HAAO: variants seen among roughly 807,000 people sequenced by gnomAD.
The protein encoded by HAAO is 3-hydroxyanthranilate 3,4-dioxygenase, also known as 3-hydroxyanthranilate oxygenase.
Under a neutral mutation model 46.2 loss-of-function variants are expected in HAAO, and 49 were observed. That is an observed-to-expected ratio of 1.06 (90% confidence interval 0.84 to 1.34). The LOEUF (loss-of-function observed/expected upper bound fraction) is 1.34. Ranked by LOEUF, HAAO falls within the 40% of genes most tolerant of loss-of-function variation. The pLI is 0.00. For synonymous variants in HAAO, 157 were observed against 145.2 expected, an observed-to-expected ratio of 1.08 and a Z score of -0.58; for missense variants, 408 against 364.5, an observed-to-expected ratio of 1.12 and a Z score of -0.97.
At chr2:42,777,313 AAAAAAAAAAAG>A (rs977801013) in intron 4 of HAAO, among the ~76,000 whole-genome samples, 1 of 150,516 alleles carries the variant, frequency 6.6e-6, no homozygotes, top group Non-Finnish European at 1.5e-5. Context: ...CAAAAAAAAA[AAAAAAAAAAAG>A]AAGAAAGAAA....
chr2:42,780,584 A>C (rs540056150), intron 4 of HAAO, among the ~76,000 whole-genome samples: 29 of 152,058 alleles, frequency 1.9e-4, no homozygotes, highest in Middle Eastern at 3.4e-3. Context: ...AACTTTCAGG[A>C]CTCTCATGGA....
chr2:42,770,960 G>T (rs1187518333), intron 4 of HAAO, among the ~76,000 whole-genome samples: 1 of 152,222 alleles, frequency 6.6e-6, no homozygotes, highest in Non-Finnish European at 1.5e-5. Context: ...AACTTAGAGA[G>T]CATCTAATCG....
chr2:42,786,009 C>CTCTGTG (rs1372722035), intron 2 of HAAO, among the ~76,000 whole-genome samples: 12 of 106,152 alleles, frequency 1.1e-4, no homozygotes, highest in Non-Finnish European at 1.7e-4. Context: ...GAGGAAGCCT[C>CTCTGTG]TGTGTGTGTG....
intron 4 of HAAO, among the ~76,000 whole-genome samples, chr2:42,781,700 C>G (rs766782154): frequency 1.3e-5 from 2 of 151,990 alleles, no homozygotes; most frequent in East Asian, 3.9e-4. Context: ...TGGTGAAACC[C>G]AATTTCTACT....
intron 1 of HAAO, among the ~76,000 whole-genome samples, chr2:42,789,618 C>T (rs1447888751): frequency 6.6e-6 from 1 of 152,026 alleles, no homozygotes; most frequent in African/African-American, 2.4e-5. Context: ...CATTTTACAG[C>T]CGATTTAGCC....
chr2:42,770,183 G>A lies in HAAO; in HGVS notation c.444C>T (p.Phe148=), dbSNP rs779772454. The change falls in exon 6 of 10, where the codon TTC becomes TTT. Residue 148 remains phenylalanine (F), a synonymous_variant. Transcript: ENST00000294973. ...GTQLAPIIQE[F]FSSEQYRTGK... ...CTGTTCTGTACTGCTCAGAGCTGAA[G>A]AACCTGCAAGGACGAACAGGGAGGA... The A allele has an allele frequency of 4.4e-6, 7 of 1,599,086 alleles. No individual in the cohort carries two copies. Among genetic ancestry groups the A allele is most frequent in the Non-Finnish European group, 1.7e-6 (2 of 1,171,614 alleles).
intron 7 of HAAO, 48 bp downstream of exon 7, chr2:42,769,665 C>T (rs1400643986): frequency 6.5e-7 from 1 of 1,545,182 alleles, no homozygotes; most frequent in Non-Finnish European, 8.8e-7. Context: ...TTCCCATTTT[C>T]CAGGGCTGCT....
Position 42,792,580 on chromosome 2 carries a change from G to C in HAAO, c.-44C>G, listed in dbSNP as rs747081514. Reference sequence around the variant, plus strand: ...CTCGCAGCGCTGTCCTCCCGCCGTCGGAGGCCCGCAGCTCCGCCCAGCCGC... The same window carrying C: ...CTCGCAGCGCTGTCCTCCCGCCGTCCGAGGCCCGCAGCTCCGCCCAGCCGC... On this transcript the variant is annotated 5_prime_UTR_variant, in exon 1 of 10. Transcript: ENST00000294973. The C allele has an allele frequency of 7.8e-6, 11 of 1,415,656 alleles. No homozygotes were observed. The highest frequency in any genetic ancestry group is 5.4e-5 in the South Asian group (4 of 74,292). 87.7% of individuals were successfully genotyped at this position (1,415,656 alleles called of 1,614,324 possible).
chr2:42,769,569 A>ATGTGTGTGTGTGTGTGTGTGTGTG, intron 7 of HAAO, 144 bp downstream of exon 7: 2 of 587,930 alleles, frequency 3.4e-6, no homozygotes, highest in Non-Finnish European at 5.8e-6. Context: ...AACCTCTGAA[A>ATGTGTGTGTGTGTGTGTGTGTGTG]TGTGTGTGTG....
In HAAO at chr2:42,767,461, A is replaced by C. The variant is rs762183657; in HGVS notation, c.837T>G (p.Pro279=). 1 of 1,613,158 alleles carries C rather than the reference A, an allele frequency of 6.2e-7. No individual in the cohort carries two copies. Among genetic ancestry groups the C allele is most frequent in the African/African-American group, 1.3e-5 (1 of 74,914 alleles). The change falls in exon 10 of 10, where the codon CCT becomes CCG. Residue 279 remains proline, a synonymous_variant. Coordinates refer to ENST00000294973, the MANE Select transcript of HAAO (RefSeq NM_012205.3). ...GTCACCCCAGGGGCTTCTTGCAGGC[A>C]GGGTCCTGGGTCACAGACAGGGCCA... ...GSVALSVTQD[P]ACKKPLG is the part of the protein sequence containing the mutation.
At chr2:42,774,160 G>A (rs1220503647) in intron 4 of HAAO, among the ~76,000 whole-genome samples, 5 of 152,164 alleles carry the variant, frequency 3.3e-5, no homozygotes, top group Non-Finnish European at 7.3e-5. Flanking sequence ...GCTGTGCTCT[G>A]ACTCTCTTGG....
chr2:42,770,322 C>A, intron 5 of HAAO, 136 bp from the exon 6 acceptor site: 1 of 878,782 alleles, frequency 1.1e-6, no homozygotes, highest in South Asian at 1.6e-5. Context: ...AGCTGTGTGT[C>A]TGCCATCCTT....
At chr2:42,768,332 G>A (rs1223832233) in intron 7 of HAAO, among the ~76,000 whole-genome samples, 1 of 152,202 alleles carries the variant, frequency 6.6e-6, no homozygotes, top group Non-Finnish European at 1.5e-5. Context: ...AGGTGAGGCT[G>A]AGGGCTCTCT....
At position 42,770,524 on chromosome 2, in the gene HAAO, G is replaced by A. The variant is rs1671032949; in HGVS notation, c.409C>T (p.Leu137Phe). The change falls in exon 5 of 10, where the codon CTC (leucine) becomes TTC (phenylalanine). Residue 137 changes from leucine to phenylalanine, a missense_variant. By Grantham distance (22) the Leu-to-Phe change is conservative. Transcript: ENST00000294973. Reference protein sequence around the residue: ...LFEKWFYCKDLGTQLAPIIQE... With the variant: ...LFEKWFYCKDFGTQLAPIIQE... ...ATGATGGGGGCCAACTGCGTGCCGAGGTCCTTGCAGTAGAACCACTTCTCA... is the reference window on the plus strand; with the variant it reads ...ATGATGGGGGCCAACTGCGTGCCGAAGTCCTTGCAGTAGAACCACTTCTCA... 4 of 1,553,126 alleles carry A rather than the reference G, an allele frequency of 2.6e-6. No homozygotes were observed. The East Asian group carries it at 7.3e-5, about 28-fold the overall frequency.
In HAAO at chr2:42,767,506, C is replaced by A; in HGVS notation, c.792G>T (p.Trp264Cys). 1 of 1,611,914 alleles carries A rather than the reference C, an allele frequency of 6.2e-7. No individual in the cohort carries two copies. The change falls in exon 10 of 10, where the codon TGG (tryptophan) becomes TGT (cysteine). Residue 264 changes from tryptophan to cysteine, a missense_variant. By Grantham distance (215) the Trp-to-Cys change is radical (BLOSUM62 -2). Transcript: ENST00000294973. ...GGGCCACAGAGCCTTGTGTTCGCTC[C>A]CAGGCATACCTGTGGACACACAGAT... ...LLVLAGTSYA[W>C]ERTQGSVALS...
chr2:42,774,946 A>AACAC (rs146530543), intron 4 of HAAO, among the ~76,000 whole-genome samples: 16 of 151,244 alleles, frequency 1.1e-4, no homozygotes, highest in South Asian at 2.1e-4. Context: ...CCTCCCCACC[A>AACAC]ACACACACAC....
rs1387674052 is a variant in HAAO, at chr2:42,770,483, G to C, written c.440+10C>G. 6.5e-7 allele frequency: 1 copy of C among 1,532,254 alleles called. No homozygotes were observed. Among genetic ancestry groups the C allele is most frequent in the Non-Finnish European group, 8.8e-7 (1 of 1,132,072 alleles). 94.9% of individuals were successfully genotyped at this position (1,532,254 alleles called of 1,614,324 possible). Reference sequence around the variant, plus strand: ...GAAAGCAAGAGGCAGGGGCTGGGCTGGGGGCTCACTCCTGGATGATGGGGG... The same window carrying C: ...GAAAGCAAGAGGCAGGGGCTGGGCTCGGGGCTCACTCCTGGATGATGGGGG... On this transcript the variant is annotated intron_variant, in intron 5 of 9. Transcript: ENST00000294973.
At chr2:42,776,452 G>C (rs1452374915) in intron 4 of HAAO, among the ~76,000 whole-genome samples, 2 of 151,528 alleles carry the variant, frequency 1.3e-5, no homozygotes, top group Non-Finnish European at 2.9e-5. Context: ...TGGTCACGCT[G>C]GTCTCAAACT....
At chr2:42,778,829 C>T (rs567721197) in intron 4 of HAAO, among the ~76,000 whole-genome samples, 8 of 151,542 alleles carry the variant, frequency 5.3e-5, no homozygotes, top group South Asian at 2.1e-4. Context: ...TTCAGTTTCT[C>T]GCTGGGTGTG....
Sources: allele counts gnomAD v4.1 joint callset (sites outside exome capture counted in the v4.1 genomes callset), GRCh38; gene constraint gnomAD v4.1.1; transcripts MANE v1.5; gene names NCBI Gene and HGNC (gene_info 2026-07-23, HGNC 2026-07-21).